The following ERC1 variants were observed in gnomAD, a reference collection of about 807,000 sequenced individuals.
The protein encoded by ERC1 is RAB6 interacting protein 2.
ERC1 carries 56 observed loss-of-function variants against 132.0 expected under a neutral mutation model. The observed-to-expected ratio is 0.42, with a 90% CI of 0.34 to 0.53. The LOEUF is 0.53. ERC1 is among the 20% of genes least tolerant of loss of function. The pLI is 0.03. For missense variants in ERC1, 1,202 were observed against 1,349.9 expected, an observed-to-expected ratio of 0.89 and a Z score of 1.72; for synonymous variants, 478 against 476.1, an observed-to-expected ratio of 1.00 and a Z score of -0.05.
At chr12:1,334,305 C>A (rs1485746682) in intron 15 of ERC1, among the ~76,000 whole-genome samples, 1 of 152,118 alleles carries the variant, frequency 6.6e-6, no homozygotes, top group East Asian at 1.9e-4. Flanking sequence ...AAAATCTTTG[C>A]CCATTCCTGT....
At chr12:1,370,012 T>C (rs903293750) in intron 15 of ERC1, among the ~76,000 whole-genome samples, 2 of 152,232 alleles carry the variant, frequency 1.3e-5, no homozygotes, top group Admixed American at 1.3e-4. Context: ...CTCTTCCATA[T>C]GACTGCTGTT....
chr12:1,396,328 A>G (rs2090538571), intron 16 of ERC1, among the ~76,000 whole-genome samples: 1 of 152,230 alleles, frequency 6.6e-6, no homozygotes. Flanking sequence ...CAAAAAATAT[A>G]TGTCGTCCTT....
At chr12:1,330,463 T>C (rs2082780801) in intron 15 of ERC1, among the ~76,000 whole-genome samples, 1 of 151,758 alleles carries the variant, frequency 6.6e-6, no homozygotes, top group South Asian at 2.1e-4. Flanking sequence ...ATTATTATTA[T>C]TTTATGAATC....
intron 8 of ERC1, among the ~76,000 whole-genome samples, chr12:1,161,670 A>C (rs1356287676): frequency 6.6e-6 from 1 of 152,134 alleles, no homozygotes; most frequent in Non-Finnish European, 1.5e-5. Context: ...CTTCAGTGGG[A>C]TATTGTGGTA....
intron 16 of ERC1, among the ~76,000 whole-genome samples, chr12:1,392,163 T>A (rs1272606645): frequency 6.6e-6 from 1 of 151,334 alleles, no homozygotes; most frequent in Non-Finnish European, 1.5e-5. Flanking sequence ...AGGAGCAGGG[T>A]GGGGGTCAGT....
intron 15 of ERC1, among the ~76,000 whole-genome samples, chr12:1,306,487 T>A (rs981979284): frequency 1.4e-4 from 21 of 152,216 alleles, no homozygotes; most frequent in African/African-American, 5.1e-4. Context: ...TGGAAAACAT[T>A]TCTTTTTATT....
chr12:1,487,809 CG>C (rs1433083912), intron 18 of ERC1, among the ~76,000 whole-genome samples: 125 of 145,762 alleles, frequency 8.6e-4, no homozygotes, highest in African/African-American at 3.0e-3. Context: ...AGAAAAGAAA[CG>C]AGAGAGAGAG....
At chr12:1,247,665 A>G (rs1311042504) in intron 13 of ERC1, among the ~76,000 whole-genome samples, 2 of 152,198 alleles carry the variant, frequency 1.3e-5, no homozygotes, top group Non-Finnish European at 2.9e-5. Flanking sequence ...TTATGTTCTC[A>G]TATTGTTGAC....
intron 4 of ERC1, among the ~76,000 whole-genome samples, chr12:1,109,490 G>T (rs887107676): frequency 2.6e-5 from 4 of 151,844 alleles, no homozygotes; most frequent in Admixed American, 6.6e-5. Context: ...TTTTTTAGGG[G>T]TCACCAAGTA....
At chr12:1,040,361 A>G (rs6489255) in intron 2 of ERC1, among the ~76,000 whole-genome samples, 77,197 of 145,472 alleles carry the variant, frequency 0.53, 21,566 homozygotes, top group African/African-American at 0.72. Context: ...TCGCTCTGTC[A>G]ACCAGGCTGG....
chr12:1,312,221 G>A (rs1365201315), intron 15 of ERC1, among the ~76,000 whole-genome samples: 1 of 152,126 alleles, frequency 6.6e-6, no homozygotes, highest in African/African-American at 2.4e-5. Context: ...TTATGCTGCT[G>A]TCTCTTCAGT....
intron 1 of ERC1, among the ~76,000 whole-genome samples, chr12:1,012,495 A>G (rs1964852324): frequency 7.6e-6 from 1 of 131,990 alleles, no homozygotes; most frequent in South Asian, 2.3e-4. Flanking sequence ...TTTTTTTGAG[A>G]CAGAGTCTTG....
At chr12:1,288,062 A>T (rs1248784211) in intron 14 of ERC1, among the ~76,000 whole-genome samples, 2 of 152,232 alleles carry the variant, frequency 1.3e-5, no homozygotes, top group East Asian at 3.8e-4. Flanking sequence ...CATAGAGATT[A>T]TGTTGAACCT....
At chr12:1,208,974 T>C (rs1467897578) in intron 12 of ERC1, among the ~76,000 whole-genome samples, 3 of 139,712 alleles carry the variant, frequency 2.1e-5, no homozygotes, top group Non-Finnish European at 4.7e-5. Context: ...TTTTTTTTTT[T>C]TTTTTTTTTT....
intron 17 of ERC1, among the ~76,000 whole-genome samples, chr12:1,417,179 G>A (rs1297827904): frequency 2.0e-5 from 3 of 152,056 alleles, no homozygotes; most frequent in Non-Finnish European, 2.9e-5. Context: ...TCTCCACAAA[G>A]AAATTTAAAA....
At chr12:1,338,054 G>A (rs1174332976) in intron 15 of ERC1, among the ~76,000 whole-genome samples, 1 of 152,098 alleles carries the variant, frequency 6.6e-6, no homozygotes, top group African/African-American at 2.4e-5. Flanking sequence ...GGGGTTCTCT[G>A]CATTTCTTGA....
intron 17 of ERC1, among the ~76,000 whole-genome samples, chr12:1,439,771 C>T (rs541380850): frequency 4.6e-5 from 7 of 152,262 alleles, no homozygotes; most frequent in Non-Finnish European, 5.9e-5. Context: ...TTATAACTTA[C>T]GGGTCCTGTA....
Position 1,174,278 on chromosome 12 carries a change from G to A in ERC1, c.1738-6262G>A, listed in dbSNP as rs537179537. Among the ~76,000 whole-genome samples the A allele has an allele frequency of 2.6e-5, 4 of 152,344 alleles. No homozygotes were observed. The East Asian group carries it at 5.8e-4, about 22-fold the overall frequency. ...CTCACTGATGGCAGCTTGCCCAGAG[G>A]AGGTAATCTTAGTGTCCACTGTTCT... On this transcript the variant is annotated intron_variant, in intron 8 of 18. Transcript: ENST00000360905.
chr12:1,282,232 C>A (rs181150080), intron 14 of ERC1, among the ~76,000 whole-genome samples: 1 of 152,018 alleles, frequency 6.6e-6, no homozygotes, highest in African/African-American at 2.4e-5. Context: ...AGGATGGAGT[C>A]GGACTACTCA....
Sources: allele counts gnomAD v4.1 joint callset (sites outside exome capture counted in the v4.1 genomes callset), GRCh38; gene constraint gnomAD v4.1.1; transcripts MANE v1.5; gene names NCBI Gene and HGNC (gene_info 2026-07-23, HGNC 2026-07-21).